Variants in WDR12 observed in about 807,000 individuals in gnomAD.
WDR12 encodes WD repeat domain 12.
Under a neutral mutation model 64.3 loss-of-function variants are expected in WDR12, and 42 were observed. That is an observed-to-expected ratio of 0.65 (90% CI 0.51 to 0.84). The LOEUF is 0.84. Among genes scored for constraint, WDR12 ranks in the 40% least tolerant of loss-of-function variants. The pLI, the probability that WDR12 is intolerant of heterozygous loss-of-function variation, is 0.00. For missense variants in WDR12, 469 were observed against 494.6 expected (o/e 0.95, Z 0.49); for synonymous variants, 158 against 173.3 (o/e 0.91, Z 0.70).
chr2:202,903,990 T>C (rs1315236246), intron 2 of WDR12, among the ~76,000 whole-genome samples: 1 of 151,480 alleles, frequency 6.6e-6, no homozygotes, highest in East Asian at 1.9e-4. Flanking sequence ...ATACAAAAAT[T>C]AGCTGGGCGT....
chr2:202,903,570 G>A (rs1047033259), intron 2 of WDR12, among the ~76,000 whole-genome samples: 2 of 152,010 alleles, frequency 1.3e-5, no homozygotes, highest in African/African-American at 4.8e-5. Context: ...CATTATCCTT[G>A]TTTGCAGATG....
At chr2:202,896,016 A>C in intron 6 of WDR12, 49 bp downstream of exon 6, 1 of 1,580,962 alleles carries the variant, frequency 6.3e-7, no homozygotes, top group South Asian at 1.2e-5. Context: ...TTTAGCAACA[A>C]GCTCAAATTC....
intron 6 of WDR12, among the ~76,000 whole-genome samples, chr2:202,895,443 T>C (rs1688219803): frequency 1.3e-5 from 2 of 152,044 alleles, no homozygotes; most frequent in Non-Finnish European, 2.9e-5. Context: ...GTAGCTGATA[T>C]AGACTGGAAA....
rs1216350619 is a variant in WDR12 at position 202,875,735 on chromosome 2, CT to C, written c.*5124del. Reference sequence around the variant, plus strand: ...AAGTGAAGACACTTCCACACTCATTCTTTCCATTTATAAAAACATCATTCTT... The same window carrying C: ...AAGTGAAGACACTTCCACACTCATTCTTCCATTTATAAAAACATCATTCTT... On this transcript the variant is annotated 3_prime_UTR_variant, in exon 13 of 13. Coordinates refer to ENST00000261015, the MANE Select transcript of WDR12 (RefSeq NM_018256.4). The C allele has an allele frequency of 6.6e-6, 1 of 152,154 alleles. No individual in the cohort carries two copies. Among genetic ancestry groups the C allele is most frequent in the Admixed American group, 6.5e-5 (1 of 15,276 alleles). 9.4% of individuals were successfully genotyped at this position (152,154 alleles called of 1,614,324 possible).
intron 4 of WDR12, among the ~76,000 whole-genome samples, chr2:202,897,929 A>T (rs1287059750): frequency 1.1e-3 from 144 of 127,406 alleles, no homozygotes; most frequent in East Asian, 3.3e-3. Flanking sequence ...ATATATAAAA[A>T]ATATATATCA....
chr2:202,908,207 C>T (rs1011692061), intron 1 of WDR12, among the ~76,000 whole-genome samples: 4 of 152,154 alleles, frequency 2.6e-5, no homozygotes, highest in African/African-American at 9.7e-5. Context: ...AGAACAAAGA[C>T]ACCATAGGTC....
intron 2 of WDR12, among the ~76,000 whole-genome samples, chr2:202,907,343 T>G (rs1293283165): frequency 6.6e-6 from 1 of 152,230 alleles, no homozygotes; most frequent in Admixed American, 6.5e-5. Context: ...ATTTAATATT[T>G]GTATCTTTTA....
chr2:202,911,425 C>G lies in WDR12; in HGVS notation c.41+11G>C. On this transcript the variant is annotated intron_variant, in intron 1 of 12. Coordinates refer to ENST00000261015, the MANE Select transcript of WDR12 (RefSeq NM_018256.4). Reference sequence around the variant, plus strand: ...CTGGGGAAGGGAGAGAAGGCTGGAACGCTTACTTACTTCTTGTTATCAGTG... The same window carrying G: ...CTGGGGAAGGGAGAGAAGGCTGGAAGGCTTACTTACTTCTTGTTATCAGTG... The G allele has an allele frequency of 6.2e-7, 1 of 1,613,960 alleles. No homozygotes were observed. Among genetic ancestry groups the G allele is most frequent in the Non-Finnish European group, 8.5e-7 (1 of 1,179,886 alleles).
chr2:202,875,343 T>C lies in WDR12; in HGVS notation c.*5517A>G, dbSNP rs1286313827. On this transcript the variant is annotated 3_prime_UTR_variant, in exon 13 of 13. Coordinates refer to ENST00000261015, the MANE Select transcript of WDR12 (RefSeq NM_018256.4). ...AAAAAATGCAAAGCTGAACATATTA[T>C]TGTAATTTAGTACCCACAAATGTCA... The C allele has an allele frequency of 3.3e-5, 5 of 152,086 alleles. No homozygotes were observed. The highest frequency in any genetic ancestry group is 3.8e-4 in the East Asian group (2 of 5,198). 9.4% of individuals were successfully genotyped at this position (152,086 alleles called of 1,614,324 possible).
At chr2:202,882,055 G>T (rs1291624166) in intron 12 of WDR12, among the ~76,000 whole-genome samples, 2 of 151,126 alleles carry the variant, frequency 1.3e-5, no homozygotes, top group East Asian at 4.0e-4. Flanking sequence ...CCTGCTTCAG[G>T]CTCAAGTAGG....
At chr2:202,887,719 T>C (rs1349013664) in intron 8 of WDR12, among the ~76,000 whole-genome samples, 2 of 150,260 alleles carry the variant, frequency 1.3e-5, no homozygotes, top group Non-Finnish European at 3.0e-5. Flanking sequence ...AAACCCCGTC[T>C]CTACTAAAAA....
In WDR12 at chr2:202,889,612, C is replaced by T. The variant is rs547816878; in HGVS notation, c.741+3005G>A. The stretch of plus-strand genomic sequence containing the variant: ...CTTTAATAAGTAACCATATCAAGTG[C>T]TGGTAAAGATGTGGAGTAACAGCCA... On this transcript the variant is annotated intron_variant, in intron 8 of 12. Coordinates refer to ENST00000261015, the MANE Select transcript of WDR12 (RefSeq NM_018256.4). Among the ~76,000 whole-genome samples, 11 of 151,862 alleles carry T rather than the reference C, an allele frequency of 7.2e-5. No individual in the cohort carries two copies. The East Asian group carries it at 1.9e-3, about 27-fold the overall frequency.
At position 202,884,262 on chromosome 2, in the gene WDR12, A is replaced by G; in HGVS notation, c.924T>C (p.Leu308=). Residue 308 remains leucine, a synonymous_variant, in exon 10 of 13, where the codon CTT becomes CTC. Coordinates refer to ENST00000261015, the MANE Select transcript of WDR12 (RefSeq NM_018256.4). The stretch of plus-strand genomic sequence containing the variant: ...TGCTTCCAGATGCTAAACGTTTACA[A>G]AGTGGAGAATAGGAAATACAATTAA... The part of the protein sequence containing the change: ...KVFNCISYSP[L]CKRLASGSTD... 3.1e-6 allele frequency: 5 copies of G among 1,613,986 alleles called. No homozygotes were observed. The highest frequency in any genetic ancestry group is 1.3e-5 in the African/African-American group (1 of 75,046).
At chr2:202,904,149 A>AG (rs1688409650) in intron 2 of WDR12, among the ~76,000 whole-genome samples, 1 of 149,406 alleles carries the variant, frequency 6.7e-6, no homozygotes, top group Non-Finnish European at 1.5e-5. Context: ...AAAAAAAAAA[A>AG]AAAAAAAAAA....
rs1257063017 is a variant in WDR12, at chr2:202,877,546, C to T, written c.*3314G>A. 1.3e-5 allele frequency: 2 copies of T among 151,932 alleles called. No homozygotes were observed. Among genetic ancestry groups the T allele is most frequent in the African/African-American group, 2.4e-5 (1 of 41,272 alleles). The allele number at this position is 151,932 out of a possible 1,614,324, so 9.4% of individuals were successfully genotyped here. A position where few individuals can be genotyped will look rare whatever the true frequency, so the allele number is the denominator to read the frequency against. ...AAATAAAAAATTGACTGGGTGTGGT[C>T]CCAGCTACTTGGAAGGCTGAGGTGA... On this transcript the variant is annotated 3_prime_UTR_variant, in exon 13 of 13. Transcript: ENST00000261015.
intron 12 of WDR12, among the ~76,000 whole-genome samples, 154 bp from the exon 13 acceptor site, chr2:202,881,091 T>C (rs902226114): frequency 1.3e-5 from 2 of 152,360 alleles, no homozygotes; most frequent in Non-Finnish European, 2.9e-5. Context: ...GGGACCAACG[T>C]TGTTTCACTA....
chr2:202,906,674 G>C lies in WDR12; in HGVS notation c.136+1191C>G, dbSNP rs192327431. Among the ~76,000 whole-genome samples the C allele has an allele frequency of 6.7e-3, 1,017 of 152,172 alleles. 15 individuals carry two copies. Among genetic ancestry groups the C allele is most frequent in the Admixed American group, 0.028 (430 of 15,268 alleles). On this transcript the variant is annotated intron_variant, in intron 2 of 12. Coordinates refer to ENST00000261015, the MANE Select transcript of WDR12 (RefSeq NM_018256.4). ...AGGTCAGGAGTTCGAGACCAGCCTC[G>C]CCAAATGGTGAAACCCCGTTTCTAC...
At position 202,907,858 on chromosome 2, in the gene WDR12, T is replaced by TAC; in HGVS notation, c.136+5_136+6dup. 6 of 1,607,550 alleles carry TAC rather than the reference T, an allele frequency of 3.7e-6. No individual in the cohort carries two copies. Among genetic ancestry groups the TAC allele is most frequent in the Non-Finnish European group, 5.1e-6 (6 of 1,174,356 alleles). The stretch of plus-strand genomic sequence containing the variant: ...CACTGTGCCCTCTCCTAAGCATATA[T>TAC]ACCCACCATTTTTGTCCTTTAGTAG... On this transcript the variant is annotated splice_region_variant and intron_variant, in intron 2 of 12. Coordinates refer to ENST00000261015, the MANE Select transcript of WDR12 (RefSeq NM_018256.4).
At position 202,878,465 on chromosome 2, in the gene WDR12, T is replaced by C. The variant is rs1249873242; in HGVS notation, c.*2395A>G. ...GAAAAAGAAGGATTCTGTGCATGAA[T>C]TTTCTGGCCACCTTTATTCACTATT... On this transcript the variant is annotated 3_prime_UTR_variant, in exon 13 of 13. Coordinates refer to ENST00000261015, the MANE Select transcript of WDR12 (RefSeq NM_018256.4). 2 of 152,230 alleles carry C rather than the reference T, an allele frequency of 1.3e-5. No homozygotes were observed. The highest frequency in any genetic ancestry group is 4.8e-5 in the African/African-American group (2 of 41,464). The allele number at this position is 152,230 out of a possible 1,614,324, so 9.4% of individuals were successfully genotyped here.
Sources: allele counts gnomAD v4.1 joint callset (sites outside exome capture counted in the v4.1 genomes callset), GRCh38; gene constraint gnomAD v4.1.1; transcripts MANE v1.5; gene names NCBI Gene and HGNC (gene_info 2026-07-23, HGNC 2026-07-21).